The following VPS54 variants were observed in gnomAD, a reference collection of about 807,000 sequenced individuals.
VPS54 encodes VPS54 subunit of GARP complex.
In VPS54, 45 loss-of-function variants were observed where a neutral mutation model predicts 121.5. That is an observed-to-expected ratio of 0.37 (90% confidence interval 0.29 to 0.47). The LOEUF is 0.47. Ranked by LOEUF, VPS54 falls within the 20% of genes least tolerant of loss-of-function variation. VPS54 has a pLI of 0.99. For missense variants in VPS54, 1,090 were observed against 1,131.4 expected (o/e 0.96, Z 0.52); for synonymous variants, 371 against 385.8 (o/e 0.96, Z 0.45).
At chr2:63,986,744 G>A (rs13387854) in intron 1 of VPS54, among the ~76,000 whole-genome samples, 229 of 152,210 alleles carry the variant, frequency 1.5e-3, no homozygotes, top group African/African-American at 5.0e-3. Flanking sequence ...CCACATCTTC[G>A]CAAGCACTTC....
intron 18 of VPS54, 59 bp from the exon 19 acceptor site, chr2:63,912,720 G>T: frequency 6.6e-7 from 1 of 1,515,056 alleles, no homozygotes; most frequent in Non-Finnish European, 8.8e-7. Context: ...GGTATTAGTT[G>T]ATTTTAATTA....
Position 63,900,636 on chromosome 2 carries a change from CATA to C in VPS54, c.2626-1058_2626-1056del, listed in dbSNP as rs1672639772. Among the ~76,000 whole-genome samples the C allele has an allele frequency of 6.6e-5, 10 of 152,336 alleles. No individual in the cohort carries two copies. The South Asian group carries it at 1.9e-3, about 28-fold the overall frequency. On this transcript the variant is annotated intron_variant, in intron 20 of 22. Transcript: ENST00000272322. The stretch of plus-strand genomic sequence containing the variant: ...TAGGAACTCAAGTGAAGGATATTTA[CATA>C]ATGATGTCTAATGGCTTCCCGAGCT...
intron 22 of VPS54, among the ~76,000 whole-genome samples, chr2:63,895,699 A>G (rs1672418256): frequency 6.6e-6 from 1 of 151,982 alleles, no homozygotes. Context: ...AGAAACAAAA[A>G]CTTTTAAGCA....
At chr2:64,013,128 T>A (rs190429325) in intron 1 of VPS54, among the ~76,000 whole-genome samples, 151 of 152,310 alleles carry the variant, frequency 9.9e-4, no homozygotes, top group Non-Finnish European at 1.7e-3. Context: ...TATTAAACAG[T>A]AGAGAGATCT....
intron 1 of VPS54, among the ~76,000 whole-genome samples, chr2:63,989,616 C>G (rs188332683): frequency 6.6e-6 from 1 of 152,272 alleles, no homozygotes; most frequent in South Asian, 2.1e-4. Context: ...TTGGTAGGTG[C>G]GGAGAAATGT....
intron 11 of VPS54, among the ~76,000 whole-genome samples, chr2:63,934,464 A>C (rs1674361187): frequency 6.6e-6 from 1 of 152,018 alleles, no homozygotes; most frequent in Non-Finnish European, 1.5e-5. Context: ...CAGACATTCT[A>C]GTTCTCTTTC....
intron 12 of VPS54, among the ~76,000 whole-genome samples, chr2:63,924,636 A>G (rs1379412176): frequency 6.6e-6 from 1 of 152,144 alleles, no homozygotes; most frequent in African/African-American, 2.4e-5. Flanking sequence ...GCAACATAGT[A>G]AGACCCCATC....
chr2:63,961,989 A>G (rs1675791178), intron 7 of VPS54, 69 bp downstream of exon 7: 1 of 1,433,790 alleles, frequency 7.0e-7, no homozygotes, highest in African/African-American at 1.4e-5. Flanking sequence ...CACTTTTAAC[A>G]TTACATGCTC....
chr2:63,981,612 G>A, intron 3 of VPS54, 34 bp downstream of exon 3: 1 of 1,524,220 alleles, frequency 6.6e-7, no homozygotes, highest in Non-Finnish European at 8.8e-7. Context: ...TATTACTTTT[G>A]ACCTGACTGT....
rs963560916 is a variant in VPS54, at chr2:63,919,815, T to C, written c.2164+68A>G. The C allele has an allele frequency of 2.6e-6, 3 of 1,147,856 alleles. No homozygotes were observed. The Admixed American group carries it at 8.8e-5, about 34-fold the overall frequency. 71.1% of individuals were successfully genotyped at this position (1,147,856 alleles called of 1,614,324 possible). A position where few individuals can be genotyped will look rare whatever the true frequency, so the allele number is the denominator to read the frequency against. On this transcript the variant is annotated intron_variant, in intron 15 of 22. Transcript: ENST00000272322. ...ATAGGCATTGTCAACTAAAGAAATA[T>C]TAAGCATTAATACAAAATAAATAAA... is the stretch of plus-strand genomic sequence containing the variant.
intron 6 of VPS54, 139 bp from the exon 7 acceptor site, chr2:63,962,582 G>A (rs972636220): frequency 1.8e-6 from 2 of 1,093,172 alleles, no homozygotes; most frequent in Middle Eastern, 2.9e-4. Context: ...TGAGATCCTT[G>A]AAATTGGGCA....
Position 63,893,527 on chromosome 2 carries a change from G to A in VPS54, c.2837C>T (p.Thr946Ile), listed in dbSNP as rs1430086309. 1 of 1,612,804 alleles carries A rather than the reference G, an allele frequency of 6.2e-7. No individual in the cohort carries two copies. The highest frequency in any genetic ancestry group is 1.7e-5 in the Admixed American group (1 of 59,804). Reference sequence around the variant, plus strand: ...TCCAGTGTAAAAAGCTACATCTGCTGTGACCAACCTAAATAATGGAGAGAA... The same window carrying A: ...TCCAGTGTAAAAAGCTACATCTGCTATGACCAACCTAAATAATGGAGAGAA... Reference protein sequence around the residue: ...NDGGPQNGLVTADVAFYTGNL... With the variant: ...NDGGPQNGLVIADVAFYTGNL... Residue 946 changes from threonine to isoleucine, a missense_variant, in exon 23 of 23, where the codon ACA becomes ATA. By Grantham distance (89) the Thr-to-Ile change is moderately conservative (BLOSUM62 -1). This residue lies in a region of VPS54 where 289 missense variants were observed against 374.4 expected (regional missense o/e 0.77). Coordinates refer to ENST00000272322, the MANE Select transcript of VPS54 (RefSeq NM_016516.3).
chr2:63,893,403 T>G lies in VPS54; in HGVS notation c.*27A>C. 1.2e-5 allele frequency: 19 copies of G among 1,579,490 alleles called. No homozygotes were observed. Among genetic ancestry groups the G allele is most frequent in the Non-Finnish European group, 1.6e-5 (18 of 1,148,538 alleles). On this transcript the variant is annotated 3_prime_UTR_variant, in exon 23 of 23. Coordinates refer to ENST00000272322, the MANE Select transcript of VPS54 (RefSeq NM_016516.3). Reference sequence around the variant, plus strand: ...ATAACAAACACATCCCATGGTCAGATGAACTACCCAGTTTTCCAGGATGAC... The same window carrying G: ...ATAACAAACACATCCCATGGTCAGAGGAACTACCCAGTTTTCCAGGATGAC...
chr2:63,900,827 A>G (rs1051587782), intron 20 of VPS54, among the ~76,000 whole-genome samples: 15 of 152,030 alleles, frequency 9.9e-5, no homozygotes, highest in Non-Finnish European at 1.9e-4. Flanking sequence ...CAGTGGTGCA[A>G]TCTCAGCTCA....
At chr2:63,943,553 A>G (rs1271798105) in intron 10 of VPS54, among the ~76,000 whole-genome samples, 2 of 152,208 alleles carry the variant, frequency 1.3e-5, no homozygotes, top group East Asian at 3.8e-4. Flanking sequence ...TTAATACTCC[A>G]TTCTGTGAGT....
At chr2:63,946,963 GTC>G (rs759854328) in intron 9 of VPS54, among the ~76,000 whole-genome samples, 6 of 151,986 alleles carry the variant, frequency 3.9e-5, no homozygotes. Flanking sequence ...TACCACAGAT[GTC>G]TGTCACAGTG....
intron 1 of VPS54, among the ~76,000 whole-genome samples, chr2:63,986,165 A>G (rs1453452150): frequency 6.6e-6 from 1 of 152,174 alleles, no homozygotes; most frequent in African/African-American, 2.4e-5. Flanking sequence ...GTACAATAAA[A>G]ATGACTTTTT....
Position 63,984,091 on chromosome 2 carries a change from TTC to T in VPS54, c.-20-74_-20-73del, listed in dbSNP as rs925663224. On this transcript the variant is annotated intron_variant, in intron 1 of 22. Coordinates refer to ENST00000272322, the MANE Select transcript of VPS54 (RefSeq NM_016516.3). ...CCAAGTATTATACATGTCACAAATT[TTC>T]TTTCAAAAGCAAAAGAATTTTTCAA... is the stretch of plus-strand genomic sequence containing the variant. The T allele has an allele frequency of 3.0e-6, 4 of 1,335,464 alleles. No individual in the cohort carries two copies. The African/African-American group carries it at 5.9e-5, about 20-fold the overall frequency. The allele number at this position is 1,335,464 out of a possible 1,614,324, so 82.7% of individuals were successfully genotyped here. A position where few individuals can be genotyped will look rare whatever the true frequency, so the allele number is the denominator to read the frequency against.
intron 22 of VPS54, among the ~76,000 whole-genome samples, chr2:63,896,192 T>A (rs1350156694): frequency 3.3e-5 from 5 of 152,224 alleles, no homozygotes; most frequent in Non-Finnish European, 7.3e-5. Context: ...GACTCTATGT[T>A]GGTATAACGC....
Sources: gnomAD v4.1 joint callset for allele counts (sites outside exome capture counted in the v4.1 genomes callset) on GRCh38, gnomAD v4.1.1 for gene constraint, gnomAD v4.1.1 regional missense constraint, MANE v1.5 for transcripts, NCBI Gene and HGNC (gene_info 2026-07-23, HGNC 2026-07-21) for gene names.